ELAVL4: variants seen among roughly 807,000 people sequenced by gnomAD.
ELAVL4 encodes the protein ELAV-like protein 4.
A neutral mutation model predicts 35.6 loss-of-function variants in ELAVL4; 1 was observed. The observed-to-expected ratio is 0.03, with a 90% CI of 0.01 to 0.13. The LOEUF is 0.13. Ranked by LOEUF, ELAVL4 falls within the 10% of genes least tolerant of loss-of-function variation. ELAVL4 has a pLI of 1.00. For missense variants in ELAVL4, 267 were observed against 464.9 expected (o/e 0.57, Z 3.91); for synonymous variants, 156 against 171.0 (o/e 0.91, Z 0.69).
At chr1:50,126,519 A>G (rs1255069751) in intron 1 of ELAVL4, among the ~76,000 whole-genome samples, 4 of 152,148 alleles carry the variant, frequency 2.6e-5, no homozygotes, top group Non-Finnish European at 5.9e-5. Flanking sequence ...GGAATTATAC[A>G]TAAACCTAAT....
intron 3 of ELAVL4, among the ~76,000 whole-genome samples, chr1:50,187,063 C>G (rs1029330866): frequency 6.6e-6 from 1 of 152,108 alleles, no homozygotes; most frequent in Admixed American, 6.5e-5. Context: ...CCTAGAAGGC[C>G]CTGGCAGCAT....
At chr1:50,076,577 G>A (rs1041867723) in intron 1 of ELAVL4, among the ~76,000 whole-genome samples, 24 of 152,132 alleles carry the variant, frequency 1.6e-4, no homozygotes, top group Admixed American at 6.5e-4. Flanking sequence ...GGAGAAGAGG[G>A]AACTACTGTA....
Position 50,087,403 on chromosome 1 carries a change from G to A in ELAVL4, c.18+39221G>A, listed in dbSNP as rs530279130. On this transcript the variant is annotated intron_variant, in intron 1 of 6. Coordinates refer to the ELAVL4 transcript ENST00000448907. ...GTCTCTTTTCTCACAATCTTCAGAG[G>A]TGTATAGTTTACAACTGTGGCTATG... Among the ~76,000 whole-genome samples, 5 of 152,094 alleles carry A rather than the reference G, an allele frequency of 3.3e-5. No individual in the cohort carries two copies. In the South Asian group the frequency reaches 8.3e-4, roughly 25 times the overall value.
rs753118324 is a variant in ELAVL4, at chr1:50,145,159, A to G, written c.212A>G (p.Glu71Gly). The G allele has an allele frequency of 6.2e-7, 1 of 1,614,034 alleles. No homozygotes were observed. The highest frequency in any genetic ancestry group is 8.5e-7 in the Non-Finnish European group (1 of 1,179,922). The change falls in exon 2 of 7, where the codon GAA becomes GGA. Residue 71 changes from glutamate to glycine, a missense_variant. Around this residue, in one of 2 missense-constraint regions of ELAVL4, gnomAD observed 216 missense variants for 409.5 expected, o/e 0.53. Coordinates refer to ENST00000371824, the MANE Select transcript of ELAVL4 (RefSeq NM_001144774.3). ...AGGAGTCTCTTCGGGAGCATTGGTG[A>G]AATAGAATCCTGCAAACTTGTGAGA... Reference protein sequence around the residue: ...EFRSLFGSIGEIESCKLVRDK... With the variant: ...EFRSLFGSIGGIESCKLVRDK...
chr1:50,193,385 T>C (rs1398471676), intron 3 of ELAVL4, among the ~76,000 whole-genome samples: 2 of 146,538 alleles, frequency 1.4e-5, no homozygotes, highest in African/African-American at 2.5e-5. Context: ...TTTTTTCTGG[T>C]TTATTCAAAG....
intron 2 of ELAVL4, among the ~76,000 whole-genome samples, chr1:50,170,706 A>T (rs1678847158): frequency 6.6e-6 from 1 of 152,184 alleles, no homozygotes; most frequent in Admixed American, 6.5e-5. Context: ...GATGCCAGTG[A>T]TGCTGATACA....
At chr1:50,143,712 A>G (rs2148684351) in intron 1 of ELAVL4, among the ~76,000 whole-genome samples, 2 of 152,314 alleles carry the variant, frequency 1.3e-5, no homozygotes, top group Middle Eastern at 6.8e-3. Context: ...ATGGACAAAT[A>G]GAGGACGGTG....
intron 1 of ELAVL4, among the ~76,000 whole-genome samples, chr1:50,065,108 T>A (rs1226789121): frequency 6.6e-6 from 1 of 151,930 alleles, no homozygotes; most frequent in Non-Finnish European, 1.5e-5. Context: ...AGACTTGGAG[T>A]TACAGCCCAA....
intron 1 of ELAVL4, among the ~76,000 whole-genome samples, chr1:50,054,846 G>T (rs182208689): frequency 6.6e-6 from 1 of 152,274 alleles, no homozygotes; most frequent in East Asian, 1.9e-4. Context: ...GCTTCTGGAA[G>T]GATTCAGCCA....
In ELAVL4 at chr1:50,202,139, A is replaced by G. The variant is rs922266707; in HGVS notation, c.*961A>G. ...CTTTTCATAGCATGTAATAATAATT[A>G]AAAAACAATTATTAATTACTAGGGG... On this transcript the variant is annotated 3_prime_UTR_variant, in exon 7 of 7. Coordinates refer to ENST00000371824, the MANE Select transcript of ELAVL4 (RefSeq NM_001144774.3). The G allele has an allele frequency of 6.6e-6, 1 of 152,170 alleles. No homozygotes were observed. Among genetic ancestry groups the G allele is most frequent in the Non-Finnish European group, 1.5e-5 (1 of 68,018 alleles). The allele number at this position is 152,170 out of a possible 1,614,324, so 9.4% of individuals were successfully genotyped here.
intron 3 of ELAVL4, among the ~76,000 whole-genome samples, chr1:50,191,877 T>C (rs1046318580): frequency 1.3e-5 from 2 of 152,220 alleles, no homozygotes; most frequent in African/African-American, 4.8e-5. Flanking sequence ...TTGTCAGTAA[T>C]TGGCAAGGTG....
At chr1:50,109,645 C>G (rs1666724143) in intron 1 of ELAVL4, 1 of 460,474 alleles carries the variant, frequency 2.2e-6, no homozygotes. Context: ...AGAGGCAGCT[C>G]CTGGATACTG....
chr1:50,127,243 T>G (rs561502330), intron 1 of ELAVL4, among the ~76,000 whole-genome samples: 1 of 152,070 alleles, frequency 6.6e-6, no homozygotes, highest in African/African-American at 2.4e-5. Flanking sequence ...GAATTCCCCA[T>G]GTACTGCCTG....
At chr1:50,115,360 T>G (rs1370901299) in intron 1 of ELAVL4, 2 of 152,074 alleles carry the variant, frequency 1.3e-5, no homozygotes, top group Non-Finnish European at 2.9e-5. Context: ...CGTTTTTGTT[T>G]TTTGTTGTTT....
intron 1 of ELAVL4, among the ~76,000 whole-genome samples, chr1:50,114,407 C>G (rs1342704898): frequency 6.6e-6 from 1 of 151,760 alleles, no homozygotes; most frequent in Non-Finnish European, 1.5e-5. Context: ...TGTGAAATCT[C>G]CACGTATTTT....
At chr1:50,075,281 G>A (rs1316802129) in intron 1 of ELAVL4, among the ~76,000 whole-genome samples, 1 of 152,152 alleles carries the variant, frequency 6.6e-6, no homozygotes, top group East Asian at 1.9e-4. Context: ...AAAAGGTATT[G>A]AAAGGTTTTA....
intron 3 of ELAVL4, among the ~76,000 whole-genome samples, chr1:50,177,836 C>T (rs1172624197): frequency 6.6e-6 from 1 of 152,176 alleles, no homozygotes; most frequent in Non-Finnish European, 1.5e-5. Context: ...GAAAAAGTAA[C>T]ATTTCAGCAA....
At chr1:50,170,261 C>T (rs1054214372) in intron 2 of ELAVL4, among the ~76,000 whole-genome samples, 1 of 152,228 alleles carries the variant, frequency 6.6e-6, no homozygotes, top group Non-Finnish European at 1.5e-5. Flanking sequence ...CTCCTATTAA[C>T]CCCTTGAAAA....
At chr1:50,050,512 G>C (rs1663295237) in intron 1 of ELAVL4, among the ~76,000 whole-genome samples, 1 of 152,168 alleles carries the variant, frequency 6.6e-6, no homozygotes, top group Non-Finnish European at 1.5e-5. Context: ...TTAACATCCA[G>C]ATGTGTTAAG....
Sources: gnomAD v4.1 joint callset for allele counts (sites outside exome capture counted in the v4.1 genomes callset) on GRCh38, gnomAD v4.1.1 for gene constraint, gnomAD v4.1.1 regional missense constraint, MANE v1.5 for transcripts, NCBI Gene and HGNC (gene_info 2026-07-23, HGNC 2026-07-21) for gene names.